ADGRL3: variants seen among roughly 807,000 people sequenced by gnomAD.
The protein encoded by ADGRL3 is calcium-independent alpha-latrotoxin receptor 3.
Under a neutral mutation model 153.5 loss-of-function variants are expected in ADGRL3, and 62 were observed. The observed-to-expected ratio is 0.40, with a 90% CI of 0.33 to 0.50. The LOEUF is 0.50. Among genes scored for constraint, ADGRL3 ranks in the 20% least tolerant of loss-of-function variants. The pLI, the probability that ADGRL3 is intolerant of heterozygous loss-of-function variation, is 0.47. For missense variants in ADGRL3, 1,641 were observed against 1,859.4 expected (o/e 0.88, Z 2.16); for synonymous variants, 710 against 672.5 (o/e 1.06, Z -0.86).
chr4:61,608,341 TATTAATTTACTGTAAA>T (rs1410698796), intron 5 of ADGRL3, among the ~76,000 whole-genome samples: 1 of 152,250 alleles, frequency 6.6e-6, no homozygotes, highest in Non-Finnish European at 1.5e-5. Context: ...ACACTGTTCA[TATTAATTTACTGTAAA>T]ATGCTAAAGA....
chr4:61,260,005 C>T (rs913695396), intron 1 of ADGRL3, among the ~76,000 whole-genome samples: 2 of 152,032 alleles, frequency 1.3e-5, no homozygotes, highest in Non-Finnish European at 2.9e-5. Flanking sequence ...TTCTTGCAAT[C>T]GAGGAAATTC....
chr4:61,882,895 A>G (rs1337351044), intron 9 of ADGRL3, among the ~76,000 whole-genome samples: 1 of 152,162 alleles, frequency 6.6e-6, no homozygotes, highest in Non-Finnish European at 1.5e-5. Flanking sequence ...GCTTGAGGTC[A>G]GGAGTTCAAG....
intron 9 of ADGRL3, among the ~76,000 whole-genome samples, chr4:61,827,263 A>G (rs777892673): frequency 1.3e-5 from 2 of 152,178 alleles, no homozygotes; most frequent in South Asian, 2.1e-4. Context: ...CTGAATATTG[A>G]TTCTGTTAAA....
rs142349243 is a variant in ADGRL3 at position 61,481,850 on chromosome 4, A to T, written c.-173-15271A>T. 3.6e-3 allele frequency among the ~76,000 whole-genome samples: 543 copies of T among 152,292 alleles called. 4 individuals are homozygous for T. The highest frequency in any genetic ancestry group is 0.012 in the African/African-American group (517 of 41,576). On this transcript the variant is annotated intron_variant, in intron 2 of 26. Coordinates refer to ENST00000683033, the MANE Select transcript of ADGRL3 (RefSeq NM_001387552.1). ...CTCTTTAACATTTTTAGAAAAAAAT[A>T]TAAAAGGTGTAAACTTTGTGATTAG...
intron 17 of ADGRL3, among the ~76,000 whole-genome samples, chr4:61,962,607 T>G (rs2098992086): frequency 6.6e-6 from 1 of 152,172 alleles, no homozygotes; most frequent in Non-Finnish European, 1.5e-5. Flanking sequence ...ATGATTAGAT[T>G]TGGGTAAAAC....
At chr4:61,993,639 C>T (rs2099111604) in intron 19 of ADGRL3, among the ~76,000 whole-genome samples, 1 of 151,934 alleles carries the variant, frequency 6.6e-6, no homozygotes, top group African/African-American at 2.4e-5. Context: ...GATCTTTGTT[C>T]AGAACTTAGA....
chr4:61,867,822 C>A (rs992777549), intron 9 of ADGRL3, among the ~76,000 whole-genome samples: 2 of 151,808 alleles, frequency 1.3e-5, no homozygotes, highest in South Asian at 4.1e-4. Flanking sequence ...ATAATCCTTT[C>A]ATCTTCTTGT....
intron 5 of ADGRL3, among the ~76,000 whole-genome samples, chr4:61,588,615 A>G (rs990394370): frequency 4.6e-5 from 7 of 152,026 alleles, no homozygotes; most frequent in Non-Finnish European, 7.4e-5. Context: ...TAAGGTGAGC[A>G]TTAATAAGAA....
chr4:61,832,043 G>A (rs1042730726), intron 9 of ADGRL3, among the ~76,000 whole-genome samples: 3 of 152,046 alleles, frequency 2.0e-5, no homozygotes, highest in African/African-American at 7.2e-5. Context: ...GCAGTGTAGA[G>A]GCCAAGGGAA....
Position 61,200,533 on chromosome 4 carries a change from G to A in ADGRL3, c.-1472G>A, listed in dbSNP as rs1488564087. On this transcript the variant is annotated 5_prime_UTR_variant, in exon 1 of 27. Coordinates refer to ENST00000683033, the MANE Select transcript of ADGRL3 (RefSeq NM_001387552.1). ...CGCCGCCGCCGCCGCCGCTGCTGCTGGTTTTTCTCGGACTGCTCGTTGCCT... is the reference window on the plus strand; with the variant it reads ...CGCCGCCGCCGCCGCCGCTGCTGCTAGTTTTTCTCGGACTGCTCGTTGCCT... 2.0e-5 allele frequency among the ~76,000 whole-genome samples: 3 copies of A among 150,760 alleles called. No homozygotes were observed. The highest frequency in any genetic ancestry group is 4.4e-5 in the Non-Finnish European group (3 of 67,636).
chr4:61,437,828 A>G (rs2152450610), intron 2 of ADGRL3, among the ~76,000 whole-genome samples: 1 of 152,146 alleles, frequency 6.6e-6, no homozygotes, highest in Non-Finnish European at 1.5e-5. Context: ...CTGCCTTGGA[A>G]TTCTGCTCGT....
In ADGRL3 at chr4:61,210,094, C is replaced by T. The variant is rs533682934; in HGVS notation, c.-240+8329C>T. Among the ~76,000 whole-genome samples the T allele has an allele frequency of 8.4e-4, 127 of 152,002 alleles. 2 individuals are homozygous for T. Among genetic ancestry groups the T allele is most frequent in the Non-Finnish European group, 1.4e-3 (96 of 67,996 alleles). ...GACATATGTATTTCAGTTACAGTGC[C>T]AATAAGAGAAGTTATTAAAATGTGT... On this transcript the variant is annotated intron_variant, in intron 1 of 26. Transcript: ENST00000683033.
In ADGRL3 at chr4:61,839,541, T is replaced by C. The variant is rs112784203; in HGVS notation, c.1480+25652T>C. Among the ~76,000 whole-genome samples, 90 of 152,174 alleles carry C rather than the reference T, an allele frequency of 5.9e-4. No individual in the cohort carries two copies. The Middle Eastern group carries it at 0.01, about 17-fold the overall frequency. On this transcript the variant is annotated intron_variant, in intron 9 of 26. Transcript: ENST00000683033. Reference sequence around the variant, plus strand: ...GGAAAAAAAAGTATACTTATGGTAGTTTTTTGTTGTTATTGTTGTTGTTTT... The same window carrying C: ...GGAAAAAAAAGTATACTTATGGTAGCTTTTTGTTGTTATTGTTGTTGTTTT...
intron 8 of ADGRL3, among the ~76,000 whole-genome samples, chr4:61,744,450 C>G (rs1580570013): frequency 6.6e-6 from 1 of 152,184 alleles, no homozygotes; most frequent in Non-Finnish European, 1.5e-5. Context: ...AGCAGCCTAA[C>G]TGGGAGGCAC....
chr4:62,050,270 A>G (rs1437333418), intron 25 of ADGRL3, among the ~76,000 whole-genome samples: 3 of 152,146 alleles, frequency 2.0e-5, no homozygotes, highest in Non-Finnish European at 4.4e-5. Context: ...ATGTTTTAGC[A>G]TCAAAGAAAT....
intron 1 of ADGRL3, among the ~76,000 whole-genome samples, chr4:61,303,365 A>G (rs1394697364): frequency 6.6e-6 from 1 of 152,166 alleles, no homozygotes; most frequent in Non-Finnish European, 1.5e-5. Flanking sequence ...GACTTAGTGC[A>G]TGCGAAGTGC....
intron 13 of ADGRL3, among the ~76,000 whole-genome samples, chr4:61,922,388 T>A (rs1431412046): frequency 6.6e-6 from 1 of 152,196 alleles, no homozygotes; most frequent in Non-Finnish European, 1.5e-5. Context: ...CCCATATACC[T>A]CCCATTGACA....
intron 2 of ADGRL3, among the ~76,000 whole-genome samples, chr4:61,441,319 C>G (rs987115407): frequency 6.6e-6 from 1 of 152,138 alleles, no homozygotes; most frequent in Non-Finnish European, 1.5e-5. Context: ...ACCACCACCT[C>G]CTCATTTCAT....
At chr4:61,857,619 G>A (rs1460781840) in intron 9 of ADGRL3, among the ~76,000 whole-genome samples, 3 of 151,090 alleles carry the variant, frequency 2.0e-5, no homozygotes, top group Admixed American at 6.6e-5. Context: ...GACAACTGTT[G>A]TGTTTTTTTT....
Sources: allele counts gnomAD v4.1 joint callset (sites outside exome capture counted in the v4.1 genomes callset), GRCh38; gene constraint gnomAD v4.1.1; transcripts MANE v1.5; gene names NCBI Gene and HGNC (gene_info 2026-07-23, HGNC 2026-07-21).